Variants in NOCT observed in about 807,000 individuals in gnomAD.
NOCT encodes the protein CCR4 carbon catabolite repression 4-like.
NOCT carries 18 observed loss-of-function variants against 35.0 expected under a neutral mutation model. That is an observed-to-expected ratio of 0.51 (90% CI 0.36 to 0.76). NOCT has a LOEUF of 0.76. Among genes scored for constraint, NOCT ranks in the 30% least tolerant of loss-of-function variants. The probability of loss-of-function intolerance (pLI) is 0.01; values close to 1 mark genes in which losing one functional copy is unlikely to be tolerated. For synonymous variants in NOCT, 235 were observed against 226.3 expected, an observed-to-expected ratio of 1.04 and a Z score of -0.34; for missense variants, 479 against 541.0, an observed-to-expected ratio of 0.89 and a Z score of 1.14.
Position 139,045,044 on chromosome 4 carries a change from C to T in NOCT, c.866C>T (p.Ala289Val), listed in dbSNP as rs1311331991. Residue 289 changes from alanine (A) to valine (V), a missense_variant, in exon 3 of 3, where the codon GCA becomes GTA. Physicochemically the swap from Ala to Val is moderately conservative, Grantham distance 64. This residue lies in a region of NOCT where 214 missense variants were observed against 284.0 expected (regional missense o/e 0.75). Transcript: ENST00000280614. ...QFCIAVTHLK[A>V]RTGWERFRSA... ...TGCATCGCTGTTACCCATCTAAAAG[C>T]ACGCACTGGCTGGGAGCGGTTTCGA... The T allele has an allele frequency of 6.2e-7, 1 of 1,614,216 alleles. No homozygotes were observed. The highest frequency in any genetic ancestry group is 8.5e-7 in the Non-Finnish European group (1 of 1,180,038).
In NOCT at chr4:139,044,745, T is replaced by TA; in HGVS notation, c.568dup (p.Ile190AsnfsTer12). ...AAGAAATCCTGGCCTACCAGCCTGA[T>TA]ATATTGTGCCTCCAAGAGGTGGACC... On this transcript the variant is annotated frameshift_variant, in exon 3 of 3. Coordinates refer to ENST00000280614, the MANE Select transcript of NOCT (RefSeq NM_012118.4). LOFTEE classifies it high-confidence loss of function. The TA allele has an allele frequency of 6.2e-7, 1 of 1,614,216 alleles. No homozygotes were observed.
At chr4:139,026,709 C>T (rs1171625767) in intron 1 of NOCT, among the ~76,000 whole-genome samples, 1 of 151,978 alleles carries the variant, frequency 6.6e-6, no homozygotes, top group African/African-American at 2.4e-5. Context: ...CACCGTCACA[C>T]CCAACTAATT....
intron 2 of NOCT, chr4:139,043,640 G>A (rs906197594): frequency 1.9e-5 from 5 of 258,184 alleles, no homozygotes; most frequent in African/African-American, 8.9e-5. Flanking sequence ...ACCAAGTCAG[G>A]TGCAGTGGCT....
In NOCT at chr4:139,045,489, CTT is replaced by C. The variant is rs1560735827; in HGVS notation, c.*19_*20del. On this transcript the variant is annotated 3_prime_UTR_variant, in exon 3 of 3. Coordinates refer to ENST00000280614, the MANE Select transcript of NOCT (RefSeq NM_012118.4). ...GACTTTCATAAATACTTGCTTTTGTCTTTTTAATCACAGGAGTCTATTTTTTT... is the reference window on the plus strand; with the variant it reads ...GACTTTCATAAATACTTGCTTTTGTCTTTAATCACAGGAGTCTATTTTTTT... The C allele has an allele frequency of 1.6e-6, 1 of 618,376 alleles. No homozygotes were observed. Among genetic ancestry groups the C allele is most frequent in the East Asian group, 3.2e-5 (1 of 30,780 alleles). The allele number at this position is 618,376 out of a possible 1,614,324, so 38.3% of individuals were successfully genotyped here. A position where few individuals can be genotyped will look rare whatever the true frequency, so the allele number is the denominator to read the frequency against.
intron 1 of NOCT, among the ~76,000 whole-genome samples, chr4:139,038,051 T>C (rs1221821753): frequency 6.6e-6 from 1 of 151,808 alleles, no homozygotes; most frequent in Non-Finnish European, 1.5e-5. Context: ...AATACAAAAA[T>C]TAGCCAGGCG....
chr4:139,027,762 T>C (rs1308497791), intron 1 of NOCT, among the ~76,000 whole-genome samples: 1 of 152,190 alleles, frequency 6.6e-6, no homozygotes, highest in Non-Finnish European at 1.5e-5. Flanking sequence ...CCTCCCAAAG[T>C]GCTGGGATTA....
In NOCT at chr4:139,025,160, CT is replaced by C. The variant is rs565609561; in HGVS notation, c.190+8992del. 2.0e-5 allele frequency among the ~76,000 whole-genome samples: 3 copies of C among 152,156 alleles called. No homozygotes were observed. The South Asian group carries it at 6.2e-4, about 32-fold the overall frequency. ...CCATTCTAAGGCTATCACCCATTTTCTTTGGGGTATTCTTTGGTTCTATGGA... is the reference window on the plus strand; with the variant it reads ...CCATTCTAAGGCTATCACCCATTTTCTTGGGGTATTCTTTGGTTCTATGGA... On this transcript the variant is annotated intron_variant, in intron 1 of 2. Coordinates refer to ENST00000280614, the MANE Select transcript of NOCT (RefSeq NM_012118.4).
intron 1 of NOCT, among the ~76,000 whole-genome samples, chr4:139,039,882 C>T (rs972831202): frequency 2.6e-5 from 4 of 152,112 alleles, no homozygotes. Flanking sequence ...CGCCCAACAC[C>T]ATGCCTGGCT....
chr4:139,032,994 G>A (rs1228285773), intron 1 of NOCT, among the ~76,000 whole-genome samples: 1 of 152,092 alleles, frequency 6.6e-6, no homozygotes, highest in Admixed American at 6.6e-5. Context: ...GACCCTGGGG[G>A]GCGGAGGCTG....
At chr4:139,016,894 C>T (rs892808220) in intron 1 of NOCT, among the ~76,000 whole-genome samples, 53 of 151,448 alleles carry the variant, frequency 3.5e-4, no homozygotes, top group Non-Finnish European at 6.6e-4. Context: ...ACCTCGTGAT[C>T]CACCCGCCTC....
intron 1 of NOCT, among the ~76,000 whole-genome samples, chr4:139,016,511 C>A (rs929334632): frequency 6.6e-6 from 1 of 151,464 alleles, no homozygotes; most frequent in African/African-American, 2.4e-5. Flanking sequence ...TTTTTTATTG[C>A]ACGACTTAAC....
At position 139,045,857 on chromosome 4, in the gene NOCT, G is replaced by A. The variant is rs143949609; in HGVS notation, c.*383G>A. On this transcript the variant is annotated 3_prime_UTR_variant, in exon 3 of 3. Coordinates refer to ENST00000280614, the MANE Select transcript of NOCT (RefSeq NM_012118.4). ...AAGTTTCTATCATTTCATTTTCTGC[G>A]TTTCCAGCATGCCCTTGGAAAAGAC... 269 of 157,842 alleles carry A rather than the reference G, an allele frequency of 1.7e-3. 1 individual carries two copies. Among genetic ancestry groups the A allele is most frequent in the African/African-American group, 6.1e-3 (255 of 41,728 alleles). The allele number at this position is 157,842 out of a possible 1,614,324, so 9.8% of individuals were successfully genotyped here. A position where few individuals can be genotyped will look rare whatever the true frequency, so the allele number is the denominator to read the frequency against.
chr4:139,040,379 G>T (rs1726815723), intron 1 of NOCT, among the ~76,000 whole-genome samples: 1 of 152,048 alleles, frequency 6.6e-6, no homozygotes, highest in Non-Finnish European at 1.5e-5. Flanking sequence ...CTCTGCAATA[G>T]GATGCAGTTT....
chr4:139,026,260 C>G (rs2079949692), intron 1 of NOCT, among the ~76,000 whole-genome samples: 1 of 152,080 alleles, frequency 6.6e-6, no homozygotes, highest in African/African-American at 2.4e-5. Context: ...CGCTACCACG[C>G]CCAGCTAATT....
chr4:139,043,507 C>T, intron 2 of NOCT, 164 bp downstream of exon 2: 1 of 567,184 alleles, frequency 1.8e-6, no homozygotes, highest in South Asian at 2.9e-5. Flanking sequence ...GACAGGGAAT[C>T]ATCTGGTTTT....
intron 1 of NOCT, among the ~76,000 whole-genome samples, chr4:139,016,970 A>ATTTTTTTTTT (rs56237553): frequency 5.8e-4 from 76 of 131,042 alleles, no homozygotes; most frequent in African/African-American, 1.9e-3. Context: ...GTTTCTTTGG[A>ATTTTTTTTTT]TTTTTTTTTT....
chr4:139,031,930 C>T (rs1281848787), intron 1 of NOCT, among the ~76,000 whole-genome samples: 1 of 151,964 alleles, frequency 6.6e-6, no homozygotes, highest in Non-Finnish European at 1.5e-5. Context: ...TCAGGCTCGT[C>T]TCGAACTCCT....
chr4:139,027,878 C>A (rs1177189808), intron 1 of NOCT, among the ~76,000 whole-genome samples: 1 of 152,072 alleles, frequency 6.6e-6, no homozygotes, highest in Admixed American at 6.6e-5. Flanking sequence ...TCCCCCCCTC[C>A]CCCTACCATT....
In NOCT at chr4:139,044,863, CACA is replaced by C. The variant is rs1560735476; in HGVS notation, c.690_692del (p.Asn231del). On this transcript the variant is annotated inframe_deletion, in exon 3 of 3. Coordinates refer to ENST00000280614, the MANE Select transcript of NOCT (RefSeq NM_012118.4). Reference sequence around the variant, plus strand: ...CTGGTCACCTTGTCTAGATGTAGAACACAACAATGGACCAGATGGTTGTGCCTT... The same window carrying C: ...CTGGTCACCTTGTCTAGATGTAGAACACAATGGACCAGATGGTTGTGCCTT... The C allele has an allele frequency of 1.2e-6, 2 of 1,614,160 alleles. No individual in the cohort carries two copies. Among genetic ancestry groups the C allele is most frequent in the East Asian group, 2.2e-5 (1 of 44,886 alleles).
Sources: allele counts gnomAD v4.1 joint callset (sites outside exome capture counted in the v4.1 genomes callset), GRCh38; gene constraint gnomAD v4.1.1; regional missense constraint gnomAD v4.1.1; transcripts MANE v1.5; gene names NCBI Gene and HGNC (gene_info 2026-07-23, HGNC 2026-07-21).